The following CEP112 variants were observed in gnomAD, a reference collection of about 807,000 sequenced individuals.
The protein encoded by CEP112 is centrosomal protein 112.
In CEP112, 127 loss-of-function variants were observed where a neutral mutation model predicts 153.0. The ratio of observed to expected loss-of-function variants is 0.83; its 90% CI spans 0.72 to 0.96. The LOEUF (loss-of-function observed/expected upper bound fraction) is 0.96, where lower values mean the gene tolerates loss of function less well. Ranked by LOEUF, CEP112 falls within the 40% of genes least tolerant of loss-of-function variation. The pLI is 0.00. For missense variants in CEP112, 1,089 were observed against 1,101.2 expected, an observed-to-expected ratio of 0.99 and a Z score of 0.16; for synonymous variants, 358 against 374.4, an observed-to-expected ratio of 0.96 and a Z score of 0.51.
intron 23 of CEP112, among the ~76,000 whole-genome samples, chr17:65,734,917 T>C (rs1417690676): frequency 6.6e-6 from 1 of 152,190 alleles, no homozygotes; most frequent in East Asian, 1.9e-4. Context: ...ATTGGTCTCT[T>C]TTGTATTTTG....
intron 16 of CEP112, among the ~76,000 whole-genome samples, chr17:66,020,622 A>C (rs983455752): frequency 6.6e-6 from 1 of 152,240 alleles, no homozygotes; most frequent in Non-Finnish European, 1.5e-5. Context: ...ATGTATTCTA[A>C]ATAGTTTAAA....
chr17:66,160,542 A>T (rs1321726937), intron 4 of CEP112, among the ~76,000 whole-genome samples: 4 of 152,232 alleles, frequency 2.6e-5, no homozygotes, highest in Non-Finnish European at 5.9e-5. Context: ...AACAGCACAC[A>T]TCTACAACCA....
chr17:66,186,004 G>GTCTCTCATAATC (rs2072916203), intron 1 of CEP112, among the ~76,000 whole-genome samples: 1 of 151,202 alleles, frequency 6.6e-6, no homozygotes, highest in Non-Finnish European at 1.5e-5. Context: ...GTAAGCCAAG[G>GTCTCTCATAATC]TCTCTCATAA....
chr17:65,913,656 C>A, intron 19 of CEP112: 1 of 985,324 alleles, frequency 1.0e-6, no homozygotes, highest in Non-Finnish European at 1.2e-6. Context: ...CTGTGATAAC[C>A]GCTGTTAGAG....
At chr17:65,979,237 T>C (rs1028749451) in intron 17 of CEP112, among the ~76,000 whole-genome samples, 1 of 151,992 alleles carries the variant, frequency 6.6e-6, no homozygotes, top group African/African-American at 2.4e-5. Flanking sequence ...TTTTTAATTT[T>C]ATTTATTTAT....
intron 21 of CEP112, 64 bp downstream of exon 21, chr17:65,851,740 T>C (rs2057938638): frequency 1.8e-6 from 2 of 1,111,686 alleles, no homozygotes; most frequent in Non-Finnish European, 2.7e-6. Context: ...AATATAAGGG[T>C]GGTGGCAATG....
intron 17 of CEP112, among the ~76,000 whole-genome samples, chr17:65,998,280 A>C (rs1287601694): frequency 1.3e-5 from 2 of 150,152 alleles, no homozygotes; most frequent in Non-Finnish European, 3.0e-5. Flanking sequence ...CTCCTCAGGA[A>C]ACTGGGGTGG....
chr17:66,030,887 C>T (rs942726415), intron 12 of CEP112, among the ~76,000 whole-genome samples: 1 of 152,078 alleles, frequency 6.6e-6, no homozygotes, highest in Non-Finnish European at 1.5e-5. Flanking sequence ...TCTAAGAGAA[C>T]CATTTTAAAG....
chr17:65,989,659 A>T (rs1360624359), intron 17 of CEP112, among the ~76,000 whole-genome samples: 1 of 152,226 alleles, frequency 6.6e-6, no homozygotes, highest in East Asian at 1.9e-4. Flanking sequence ...TAACGGGCAA[A>T]AAGAAAACAT....
At chr17:66,110,337 GAAAAAAAAAAGAAAA>G (rs940631069) in intron 6 of CEP112, among the ~76,000 whole-genome samples, 1 of 104,314 alleles carries the variant, frequency 9.6e-6, no homozygotes, top group Non-Finnish European at 2.1e-5. Context: ...GCTCAAAAAA[GAAAAAAAAAAGAAAA>G]AAAAAGAAAA....
At chr17:65,821,963 GA>G (rs1031644749) in intron 21 of CEP112, among the ~76,000 whole-genome samples, 10 of 151,848 alleles carry the variant, frequency 6.6e-5, no homozygotes, top group African/African-American at 2.2e-4. Context: ...TATGTGTGGG[GA>G]AAAATATATT....
At chr17:65,943,846 C>T (rs981469857) in intron 18 of CEP112, among the ~76,000 whole-genome samples, 1 of 152,138 alleles carries the variant, frequency 6.6e-6, no homozygotes, top group Non-Finnish European at 1.5e-5. Flanking sequence ...TTCAGGTACA[C>T]CAATCAGTCA....
chr17:65,963,614 C>A (rs1234522828), intron 17 of CEP112, among the ~76,000 whole-genome samples: 1 of 151,794 alleles, frequency 6.6e-6, no homozygotes, highest in African/African-American at 2.4e-5. Flanking sequence ...TGTCCCTTTA[C>A]AATGAGGTTA....
intron 11 of CEP112, among the ~76,000 whole-genome samples, chr17:66,055,492 G>A (rs1362440313): frequency 3.3e-5 from 5 of 152,204 alleles, no homozygotes; most frequent in African/African-American, 9.6e-5. Flanking sequence ...CACAGCTGTC[G>A]AGTGACATGA....
At chr17:66,172,197 T>C (rs958022493) in intron 4 of CEP112, among the ~76,000 whole-genome samples, 1 of 152,176 alleles carries the variant, frequency 6.6e-6, no homozygotes, top group African/African-American at 2.4e-5. Context: ...TGCTAGGGGC[T>C]GGAAATATAG....
At chr17:65,982,707 T>C (rs1443305) in intron 17 of CEP112, among the ~76,000 whole-genome samples, 79,158 of 152,076 alleles carry the variant, frequency 0.52, 21,609 homozygotes, top group African/African-American at 0.6. Context: ...ATTCCACTCC[T>C]GGGTATATAC....
chr17:65,897,881 G>C (rs183002539), intron 20 of CEP112, among the ~76,000 whole-genome samples: 8 of 151,682 alleles, frequency 5.3e-5, no homozygotes, highest in African/African-American at 1.9e-4. Context: ...AAGTCTAATG[G>C]CATAAATTTC....
intron 18 of CEP112, among the ~76,000 whole-genome samples, chr17:65,950,699 C>CTAGTAGTAGTAGTAG (rs111958511): frequency 6.8e-6 from 1 of 147,134 alleles, no homozygotes; most frequent in Non-Finnish European, 1.5e-5. Context: ...GGATACATTA[C>CTAGTAGTAGTAGTAG]TAGTAGTAGT....
intron 21 of CEP112, among the ~76,000 whole-genome samples, chr17:65,799,608 A>G (rs182853818): frequency 6.6e-6 from 1 of 152,356 alleles, no homozygotes; most frequent in Admixed American, 6.5e-5. Flanking sequence ...GCAATAGTCA[A>G]AGAGCACTGC....
Sources: gnomAD v4.1 joint callset for allele counts (sites outside exome capture counted in the v4.1 genomes callset) on GRCh38, gnomAD v4.1.1 for gene constraint, MANE v1.5 for transcripts, NCBI Gene and HGNC (gene_info 2026-07-23, HGNC 2026-07-21) for gene names.